CFAP43: variants seen among roughly 807,000 people sequenced by gnomAD.
CFAP43 encodes cilia and flagella associated protein 43.
A neutral mutation model predicts 218.9 loss-of-function variants in CFAP43; 155 were observed. The ratio of observed to expected loss-of-function variants is 0.71; its 90% CI spans 0.62 to 0.81. The LOEUF (loss-of-function observed/expected upper bound fraction) is 0.81. CFAP43 is among the 30% of genes least tolerant of loss of function. The pLI is 0.00. For missense variants in CFAP43, 1,778 were observed against 1,954.3 expected, an observed-to-expected ratio of 0.91 and a Z score of 1.70; for synonymous variants, 645 against 681.3, an observed-to-expected ratio of 0.95 and a Z score of 0.83.
chr10:104,175,101 A>T (rs971538649), intron 19 of CFAP43, among the ~76,000 whole-genome samples: 1 of 151,772 alleles, frequency 6.6e-6, no homozygotes, highest in Admixed American at 6.5e-5. Context: ...AAAAAAACCA[A>T]AAAGAAAATA....
At chr10:104,173,440 G>A (rs186829106) in intron 19 of CFAP43, among the ~76,000 whole-genome samples, 72 of 152,278 alleles carry the variant, frequency 4.7e-4, no homozygotes, top group African/African-American at 1.7e-3. Context: ...CAGGAACAAG[G>A]GTTTACCTAA....
intron 27 of CFAP43, among the ~76,000 whole-genome samples, chr10:104,153,209 C>T (rs1183624757): frequency 1.3e-5 from 2 of 152,102 alleles, no homozygotes; most frequent in Non-Finnish European, 2.9e-5. Context: ...TGTTTTGTCT[C>T]TCCAAACAGT....
At chr10:104,133,930 T>C in intron 34 of CFAP43, 146 bp from the exon 35 acceptor site, 1 of 729,150 alleles carries the variant, frequency 1.4e-6, no homozygotes, top group Non-Finnish European at 2.1e-6. Context: ...TAAAAATGGC[T>C]TCTTGGGCAA....
chr10:104,168,201 T>C (rs749596605), intron 21 of CFAP43, among the ~76,000 whole-genome samples: 23 of 152,138 alleles, frequency 1.5e-4, no homozygotes, highest in Non-Finnish European at 2.9e-4. Context: ...GCAATATCCA[T>C]CACATAAAAT....
intron 3 of CFAP43, chr10:104,219,006 C>A: frequency 2.6e-6 from 1 of 383,278 alleles, no homozygotes; most frequent in South Asian, 1.9e-5. Flanking sequence ...TTTCTGTGAC[C>A]ACAAATGAAC....
chr10:104,225,669 A>G (rs2091289115), intron 2 of CFAP43, 112 bp from the exon 3 acceptor site: 1 of 849,722 alleles, frequency 1.2e-6, no homozygotes, highest in South Asian at 2.1e-5. Context: ...ATTCAAAAGC[A>G]TTTAACTATT....
intron 17 of CFAP43, among the ~76,000 whole-genome samples, chr10:104,180,807 A>G (rs1426174532): frequency 1.3e-5 from 2 of 151,954 alleles, no homozygotes; most frequent in Non-Finnish European, 2.9e-5. Flanking sequence ...AGAGTTTGGG[A>G]TGCCATGTTC....
intron 6 of CFAP43, among the ~76,000 whole-genome samples, chr10:104,206,537 G>A (rs937559017): frequency 6.6e-6 from 1 of 152,216 alleles, no homozygotes; most frequent in African/African-American, 2.4e-5. Flanking sequence ...TCAAGGCAGA[G>A]CAGTTCTTGA....
intron 19 of CFAP43, among the ~76,000 whole-genome samples, chr10:104,177,000 CAAGAG>C (rs1307946537): frequency 6.6e-6 from 1 of 151,998 alleles, no homozygotes; most frequent in Non-Finnish European, 1.5e-5. Flanking sequence ...AGGAAATTCA[CAAGAG>C]AAGAAATACA....
At chr10:104,205,065 T>C (rs1222162355) in intron 7 of CFAP43, among the ~76,000 whole-genome samples, 1 of 151,572 alleles carries the variant, frequency 6.6e-6, no homozygotes, top group Non-Finnish European at 1.5e-5. Flanking sequence ...ATACAATAAT[T>C]AGCAGGGCGT....
chr10:104,160,136 G>A (rs1043901770), intron 27 of CFAP43, among the ~76,000 whole-genome samples: 4 of 152,184 alleles, frequency 2.6e-5, no homozygotes, highest in African/African-American at 9.7e-5. Flanking sequence ...AGGGACATGA[G>A]GGTGCAGGCA....
chr10:104,185,426 A>G (rs1169136349), intron 15 of CFAP43, among the ~76,000 whole-genome samples: 1 of 152,124 alleles, frequency 6.6e-6, no homozygotes, highest in African/African-American at 2.4e-5. Context: ...GACACAGAGA[A>G]GTGAATGGAT....
In CFAP43 at chr10:104,143,569, T is replaced by C; in HGVS notation, c.4015A>G (p.Lys1339Glu). The C allele has an allele frequency of 6.2e-7, 1 of 1,614,222 alleles. No individual in the cohort carries two copies. The highest frequency in any genetic ancestry group is 1.1e-5 in the South Asian group (1 of 91,090). ...VPFGELPGSG[K>E]LNKDAFAQLM... is the part of the protein sequence containing the mutation. ...TGGGCAAAGGCATCCTTATTCAACT[T>C]GCCAGATCCTGGTAGTTCTCCGAAA... Residue 1339 changes from lysine (K) to glutamate (E), a missense_variant, in exon 32 of 38, where the codon AAG (lysine) becomes GAG (glutamate). Coordinates refer to ENST00000357060, the MANE Select transcript of CFAP43 (RefSeq NM_025145.7).
intron 34 of CFAP43, among the ~76,000 whole-genome samples, chr10:104,136,896 T>A (rs2087479438): frequency 1.3e-5 from 2 of 151,924 alleles, no homozygotes; most frequent in Non-Finnish European, 2.9e-5. Flanking sequence ...ATTAGAGAAA[T>A]TTACATCAAG....
In CFAP43 at chr10:104,148,050, A is replaced by G. The variant is rs568806508; in HGVS notation, c.3661-52T>C. ...GGTGGAATTACTTCCACCTGAGACA[A>G]TATTTTCTATAGACTTGGCACTAAT... On this transcript the variant is annotated intron_variant, in intron 28 of 37. Coordinates refer to ENST00000357060, the MANE Select transcript of CFAP43 (RefSeq NM_025145.7). The G allele has an allele frequency of 3.9e-5, 46 of 1,185,310 alleles. No homozygotes were observed. In the African/African-American group the frequency reaches 5.7e-4, roughly 15 times the overall value. 73.4% of individuals were successfully genotyped at this position (1,185,310 alleles called of 1,614,324 possible). A position where few individuals can be genotyped will look rare whatever the true frequency, so the allele number is the denominator to read the frequency against.
At chr10:104,158,081 A>G (rs2088670214) in intron 27 of CFAP43, among the ~76,000 whole-genome samples, 1 of 152,194 alleles carries the variant, frequency 6.6e-6, no homozygotes, top group African/African-American at 2.4e-5. Context: ...ACATTAAGTT[A>G]GAGTATGCCT....
At chr10:104,203,867 T>C (rs2090604987) in intron 7 of CFAP43, 64 bp from the exon 8 acceptor site, 1 of 1,428,848 alleles carries the variant, frequency 7.0e-7, no homozygotes, top group African/African-American at 1.4e-5. Context: ...ACTTGCCTCA[T>C]CAGACAAGCT....
chr10:104,208,175 A>G (rs1564799994), intron 5 of CFAP43, among the ~76,000 whole-genome samples: 1 of 152,362 alleles, frequency 6.6e-6, no homozygotes, highest in Non-Finnish European at 1.5e-5. Flanking sequence ...GATTTGACTC[A>G]TAAGGAAGAG....
chr10:104,174,945 C>T (rs1027878881), intron 19 of CFAP43, among the ~76,000 whole-genome samples: 43 of 151,978 alleles, frequency 2.8e-4, no homozygotes, highest in African/African-American at 9.9e-4. Flanking sequence ...GTCCCAGCTA[C>T]TCGGGAGGCT....
Sources: gnomAD v4.1 joint callset for allele counts (sites outside exome capture counted in the v4.1 genomes callset) on GRCh38, gnomAD v4.1.1 for gene constraint, MANE v1.5 for transcripts, NCBI Gene and HGNC (gene_info 2026-07-23, HGNC 2026-07-21) for gene names.